TXNDC16: variants seen among roughly 807,000 people sequenced by gnomAD.
TXNDC16 encodes thioredoxin domain-containing protein 16.
Under a neutral mutation model 85.6 loss-of-function variants are expected in TXNDC16, and 74 were observed. That is an observed-to-expected ratio of 0.86 (90% CI 0.72 to 1.05). The LOEUF (loss-of-function observed/expected upper bound fraction) is 1.05. Ranked by LOEUF, TXNDC16 falls within the 50% of genes least tolerant of loss-of-function variation. The pLI is 0.00. For synonymous variants in TXNDC16, 335 were observed against 326.5 expected, an observed-to-expected ratio of 1.03 and a Z score of -0.28; for missense variants, 959 against 947.0, an observed-to-expected ratio of 1.01 and a Z score of -0.17.
chr14:52,547,043 CTG>C (rs2037954863), intron 1 of TXNDC16, among the ~76,000 whole-genome samples: 1 of 152,218 alleles, frequency 6.6e-6, no homozygotes, highest in Non-Finnish European at 1.5e-5. Context: ...TAGATTAGTA[CTG>C]TGTGATGGTT....
chr14:52,523,733 T>A (rs751251059), intron 6 of TXNDC16, among the ~76,000 whole-genome samples: 4 of 151,502 alleles, frequency 2.6e-5, no homozygotes, highest in Non-Finnish European at 4.4e-5. Context: ...AAATTATATA[T>A]TCTCCTAATA....
chr14:52,501,914 T>A (rs1042324386), intron 9 of TXNDC16, among the ~76,000 whole-genome samples: 3 of 152,208 alleles, frequency 2.0e-5, no homozygotes, highest in Admixed American at 1.3e-4. Flanking sequence ...GATTCTAACA[T>A]CTTCCTAATT....
intron 20 of TXNDC16, among the ~76,000 whole-genome samples, chr14:52,433,235 G>A (rs2034948787): frequency 1.3e-5 from 2 of 152,226 alleles, no homozygotes; most frequent in African/African-American, 4.8e-5. Flanking sequence ...ATTTCTCTTA[G>A]ATGAGCTTCA....
At chr14:52,508,251 C>T (rs567540081) in intron 9 of TXNDC16, among the ~76,000 whole-genome samples, 6 of 152,178 alleles carry the variant, frequency 3.9e-5, no homozygotes, top group South Asian at 4.2e-4. Flanking sequence ...AACAAGTGGG[C>T]GAAGGATATG....
intron 14 of TXNDC16, among the ~76,000 whole-genome samples, chr14:52,474,143 T>C (rs984037135): frequency 6.6e-6 from 1 of 152,194 alleles, no homozygotes; most frequent in Non-Finnish European, 1.5e-5. Flanking sequence ...AGCCCTTGCA[T>C]TGAGGGGGCA....
intron 2 of TXNDC16, 69 bp downstream of exon 2, chr14:52,544,190 TAATTC>T (rs1566591439): frequency 6.6e-6 from 1 of 152,158 alleles, no homozygotes. Flanking sequence ...ACTCATACTT[TAATTC>T]AATTCTATGT....
intron 11 of TXNDC16, 37 bp from the exon 12 acceptor site, chr14:52,488,523 A>T: frequency 6.6e-7 from 1 of 1,522,950 alleles, no homozygotes; most frequent in Non-Finnish European, 9.0e-7. Context: ...TGAATATAGC[A>T]AAGTATTTTG....
chr14:52,544,140 G>C (rs183796516), intron 2 of TXNDC16, 124 bp downstream of exon 2: 3 of 152,380 alleles, frequency 2.0e-5, no homozygotes, highest in African/African-American at 4.8e-5. Flanking sequence ...CTAACCCTTA[G>C]ATTTCTCTAT....
chr14:52,509,912 A>T (rs1332667258), intron 9 of TXNDC16, among the ~76,000 whole-genome samples: 2 of 151,428 alleles, frequency 1.3e-5, no homozygotes, highest in Admixed American at 6.6e-5. Flanking sequence ...ACCCAGGAGG[A>T]GGAGCTTGCA....
chr14:52,455,200 C>A (rs77571278), intron 18 of TXNDC16, 124 bp downstream of exon 18: 18,146 of 1,055,076 alleles, frequency 0.017, 212 homozygotes, highest in Non-Finnish European at 0.021. Flanking sequence ...TCCAGTAAAT[C>A]CTCAGCTCAC....
At chr14:52,488,831 G>GAAAAAAAAAAAAAA (rs199871075) in intron 11 of TXNDC16, among the ~76,000 whole-genome samples, 2 of 89,956 alleles carry the variant, frequency 2.2e-5, no homozygotes, top group Non-Finnish European at 4.3e-5. Context: ...GAGACTCTGG[G>GAAAAAAAAAAAAAA]AAAAAAAAAA....
intron 9 of TXNDC16, among the ~76,000 whole-genome samples, chr14:52,500,248 T>C (rs2036625105): frequency 6.6e-6 from 1 of 152,226 alleles, no homozygotes; most frequent in Non-Finnish European, 1.5e-5. Context: ...ATGCGGTATA[T>C]ACGTCCAACG....
intron 20 of TXNDC16, among the ~76,000 whole-genome samples, chr14:52,434,372 C>A (rs1169166047): frequency 6.6e-6 from 1 of 152,140 alleles, no homozygotes; most frequent in Non-Finnish European, 1.5e-5. Flanking sequence ...TTTTCAACTG[C>A]AAATAAAACT....
chr14:52,448,056 T>C (rs2035325664), intron 18 of TXNDC16, among the ~76,000 whole-genome samples: 1 of 139,322 alleles, frequency 7.2e-6, no homozygotes, highest in Non-Finnish European at 1.6e-5. Flanking sequence ...ATCTAGAAAA[T>C]AGCCTCAAAA....
intron 16 of TXNDC16, among the ~76,000 whole-genome samples, chr14:52,461,264 A>T (rs1346166100): frequency 6.6e-6 from 1 of 151,930 alleles, no homozygotes; most frequent in East Asian, 1.9e-4. Context: ...AAACCTAGAA[A>T]TTAATTTTGA....
chr14:52,543,471 T>C lies in TXNDC16; in HGVS notation c.87A>G (p.Pro29=). ...TAAAATATTTCTGAGGACTCAGTTCTGGTAAAGAGTTTACTGTTGGCATGT... is the reference window on the plus strand; with the variant it reads ...TAAAATATTTCTGAGGACTCAGTTCCGGTAAAGAGTTTACTGTTGGCATGT... The part of the protein sequence containing the change: ...IFYMPTVNSL[P]ELSPQKYFST... The change falls in exon 3 of 21, where the codon CCA becomes CCG. Residue 29 remains proline, a synonymous_variant. Coordinates refer to ENST00000281741, the MANE Select transcript of TXNDC16 (RefSeq NM_020784.3). 6.2e-7 allele frequency: 1 copy of C among 1,613,776 alleles called. No individual in the cohort carries two copies. Among genetic ancestry groups the C allele is most frequent in the East Asian group, 2.2e-5 (1 of 44,824 alleles).
intron 16 of TXNDC16, among the ~76,000 whole-genome samples, chr14:52,467,205 A>G (rs2140128478): frequency 6.6e-6 from 1 of 152,226 alleles, no homozygotes; most frequent in African/African-American, 2.4e-5. Context: ...AACGTTAACT[A>G]TTAGAAAAAA....
chr14:52,518,085 T>G (rs1191431126), intron 7 of TXNDC16, among the ~76,000 whole-genome samples: 1 of 152,182 alleles, frequency 6.6e-6, no homozygotes, highest in Non-Finnish European at 1.5e-5. Flanking sequence ...AACTCTATCT[T>G]TACCTTGCTT....
intron 14 of TXNDC16, among the ~76,000 whole-genome samples, chr14:52,476,389 G>C (rs1392883733): frequency 6.6e-6 from 1 of 152,024 alleles, no homozygotes; most frequent in Non-Finnish European, 1.5e-5. Context: ...GCTAATCAGG[G>C]AGGTGCCAGA....
Sources: allele counts gnomAD v4.1 joint callset (sites outside exome capture counted in the v4.1 genomes callset), GRCh38; gene constraint gnomAD v4.1.1; transcripts MANE v1.5; gene names NCBI Gene and HGNC (gene_info 2026-07-23, HGNC 2026-07-21).